The following PLEC variants were observed in gnomAD, a reference collection of about 807,000 sequenced individuals.
PLEC encodes hemidesmosomal protein 1.
A neutral mutation model predicts 392.8 loss-of-function variants in PLEC; 216 were observed. That is an observed-to-expected ratio of 0.55 (90% CI 0.49 to 0.62). The LOEUF is 0.62. Ranked by LOEUF, PLEC falls within the 20% of genes least tolerant of loss-of-function variation. The probability of loss-of-function intolerance (pLI) is 0.00; values close to 1 mark genes in which losing one functional copy is unlikely to be tolerated. For missense variants in PLEC, 6,863 were observed against 6,563.4 expected, an observed-to-expected ratio of 1.05 and a Z score of -1.58; for synonymous variants, 3,621 against 2,980.6, an observed-to-expected ratio of 1.21 and a Z score of -7.00.
upstream of PLEC, among the ~76,000 whole-genome samples, chr8:143,952,598 G>A (rs1454016018): frequency 6.6e-6 from 1 of 151,598 alleles, no homozygotes; most frequent in Non-Finnish European, 1.5e-5. Context: ...CAGGCCGACC[G>A]CATCTTCCTG....
Position 143,919,216 on chromosome 8 carries a change from C to T in PLEC, c.10605G>A (p.Glu3535=), listed in dbSNP as rs566966120. ...TCAGTGGCAGAAGGCGCAAGCCCGT[C>T]TCGGGGTCCTCCACGCACCGCTCCA... ...QLLERCVEDP[E]TGLRLLPLKG... is the part of the protein sequence containing the mutation. The change falls in exon 32 of 32, where the codon GAG becomes GAA. Residue 3535 remains glutamate, a synonymous_variant. Transcript: ENST00000345136. 3.1e-6 allele frequency: 5 copies of T among 1,613,882 alleles called. No homozygotes were observed. The South Asian group carries it at 5.5e-5, about 18-fold the overall frequency.
rs921644773 is a variant in PLEC at position 143,969,518 on chromosome 8, C to T, written c.70+3885G>A. Among the ~76,000 whole-genome samples the T allele has an allele frequency of 3.3e-5, 5 of 152,164 alleles. No homozygotes were observed. The highest frequency in any genetic ancestry group is 7.2e-5 in the African/African-American group (3 of 41,454). On this transcript the variant is annotated intron_variant, in intron 1 of 31. Transcript: ENST00000356346. This position sits in a 1 kb window ranked among gnomAD's most constrained non-coding sequence, Gnocchi z 5.1. ...CTGTGACAGCTCATAGAGGCTGGGC[C>T]GTCCTGCCACACCATGGGAGCCTGG...
chr8:143,929,876 C>G (rs782110745), intron 22 of PLEC, 47 bp from the exon 23 acceptor site: 2 of 1,601,662 alleles, frequency 1.2e-6, no homozygotes, highest in Non-Finnish European at 1.7e-6. Context: ...CGGCCGTGCC[C>G]TGCACAACGC....
chr8:143,946,425 C>G (rs782601483), intron 1 of PLEC: 28 of 1,284,918 alleles, frequency 2.2e-5, no homozygotes, highest in South Asian at 1.6e-4. Flanking sequence ...CTCCGAGAGC[C>G]GGCAGGGAGG....
At chr8:143,929,072 C>G (rs1554710103) in intron 25 of PLEC, 31 bp downstream of exon 25, 1 of 1,549,220 alleles carries the variant, frequency 6.5e-7, no homozygotes, top group Non-Finnish European at 8.7e-7. Context: ...CAGCCGACCC[C>G]AGCCCCTCGC....
Position 143,931,655 on chromosome 8 carries a change from A to G in PLEC, c.2183T>C (p.Phe728Ser). ...CCCCTCGGCCTCCCGCACATCTGAG[A>G]AGAACTGGGGCAGCGGGAGGGGGTC... ...LKENAAYFQF[F>S]SDVREAEGQL... Residue 728 changes from phenylalanine (F) to serine (S), a missense_variant, in exon 19 of 32, where the codon TTC (phenylalanine) becomes TCC (serine). By Grantham distance (155) the Phe-to-Ser change is radical (BLOSUM62 -2). Coordinates refer to ENST00000345136, the MANE Select transcript of PLEC (RefSeq NM_201384.3). 4.4e-6 allele frequency: 7 copies of G among 1,600,244 alleles called. No individual in the cohort carries two copies. The highest frequency in any genetic ancestry group is 6.0e-6 in the Non-Finnish European group (7 of 1,174,074).
At chr8:143,960,210 G>A (rs1161306084) in intron 1 of PLEC, among the ~76,000 whole-genome samples, 2 of 151,658 alleles carry the variant, frequency 1.3e-5, no homozygotes, top group Non-Finnish European at 2.9e-5. Context: ...TGAACTCGGA[G>A]GGCGGAGGTT....
chr8:143,919,383 T>C lies in PLEC; in HGVS notation c.10438A>G (p.Ser3480Gly), dbSNP rs989173743. The stretch of plus-strand genomic sequence containing the variant: ...GCCACGTCCACAGGCACGCGGTGGC[T>C]GTGCACGGGGTCGATGATGCCGCCC... ...ATGGIIDPVHSHRVPVDVAYQ... is the reference protein window; with the variant it reads ...ATGGIIDPVHGHRVPVDVAYQ... The change falls in exon 32 of 32, where the codon AGC (serine) becomes GGC (glycine). Residue 3480 changes from serine to glycine, a missense_variant. Ser to Gly is a moderately conservative substitution (Grantham distance 56). Coordinates refer to ENST00000345136, the MANE Select transcript of PLEC (RefSeq NM_201384.3). The C allele has an allele frequency of 1.1e-5, 17 of 1,613,698 alleles. No individual in the cohort carries two copies. Among genetic ancestry groups the C allele is most frequent in the Middle Eastern group, 1.7e-4 (1 of 6,052 alleles).
At chr8:143,930,338 GC>G in intron 20 of PLEC, 40 bp from the exon 21 acceptor site, 1 of 1,586,346 alleles carries the variant, frequency 6.3e-7, no homozygotes, top group Middle Eastern at 1.7e-4. Context: ...GCCACACCCT[GC>G]CCTGCCTGGC....
intron 16 of PLEC, 72 bp from the exon 17 acceptor site, chr8:143,932,306 C>T (rs1407176281): frequency 5.6e-6 from 9 of 1,607,462 alleles, no homozygotes; most frequent in Middle Eastern, 3.6e-4. Flanking sequence ...GCAAACTCGA[C>T]CCAGGGCCCC....
chr8:143,939,296 C>G, intron 1 of PLEC, 54 bp downstream of exon 1: 1 of 1,574,514 alleles, frequency 6.4e-7, no homozygotes, highest in Non-Finnish European at 8.6e-7. Context: ...GTGGGCCTTC[C>G]TCCCGCAGGG....
upstream of PLEC, chr8:143,939,668 CCCAGGCCGCCG>C (rs1830058222): frequency 7.1e-7 from 1 of 1,400,800 alleles, no homozygotes; most frequent in African/African-American, 1.5e-5. Flanking sequence ...CCCCACCCTG[CCCAGGCCGCCG>C]CCAGGGAGGG....
chr8:143,950,848 T>G lies in PLEC; in HGVS notation c.-142A>C, dbSNP rs1457668021. ...AGGGCAGGCGGGCGGGCAGGCAGGCTGGGGTGCTGAGCGTGAGGGCGCGGG... is the reference window on the plus strand; with the variant it reads ...AGGGCAGGCGGGCGGGCAGGCAGGCGGGGGTGCTGAGCGTGAGGGCGCGGG... On this transcript the variant is annotated 5_prime_UTR_variant, in exon 1 of 32. Coordinates refer to the PLEC transcript ENST00000322810. The G allele has an allele frequency of 7.5e-6, 11 of 1,467,736 alleles. No individual in the cohort carries two copies. In the African/African-American group the frequency reaches 1.5e-4, roughly 21 times the overall value. 90.9% of individuals were successfully genotyped at this position (1,467,736 alleles called of 1,614,324 possible).
chr8:143,922,246 G>C lies in PLEC; in HGVS notation c.7575C>G (p.Ala2525=). 1 of 1,591,956 alleles carries C rather than the reference G, an allele frequency of 6.3e-7. No homozygotes were observed. Among genetic ancestry groups the C allele is most frequent in the Non-Finnish European group, 8.5e-7 (1 of 1,171,962 alleles). ...KLEQLFQDEV[A]KAQQLREEQQ... ...GCTCCTCACGCAGCTGCTGTGCCTTGGCCACCTCGTCCTGGAAGAGCTGCT... is the reference window on the plus strand; with the variant it reads ...GCTCCTCACGCAGCTGCTGTGCCTTCGCCACCTCGTCCTGGAAGAGCTGCT... Residue 2525 remains alanine (A), a synonymous_variant, in exon 32 of 32, where the codon GCC becomes GCG. Coordinates refer to ENST00000345136, the MANE Select transcript of PLEC (RefSeq NM_201384.3).
intron 1 of PLEC, among the ~76,000 whole-genome samples, chr8:143,960,490 G>A (rs1554740545): frequency 6.6e-6 from 1 of 151,712 alleles, no homozygotes; most frequent in Non-Finnish European, 1.5e-5. Flanking sequence ...GGTGGCGGGT[G>A]CCTGTAATCC....
intron 30 of PLEC, 60 bp from the exon 31 acceptor site, chr8:143,925,944 G>T: frequency 6.7e-7 from 1 of 1,490,900 alleles, no homozygotes; most frequent in South Asian, 1.2e-5. Context: ...GGCAGGCGCT[G>T]ACGGGGCACG....
At chr8:143,950,682 G>A (rs542615714) in exon 1 of PLEC, 16 of 1,571,972 alleles carry the variant, frequency 1.0e-5, no homozygotes, top group Admixed American at 9.2e-5. Context: ...AGCTGGTCCC[G>A]TGGCATGAGC....
chr8:143,920,978 C>T lies in PLEC; in HGVS notation c.8843G>A (p.Gly2948Asp). ...GATGATCTTCTCCACTGTGATCCGGCCCGTGCGGAACTGCCGCAGCAGGTC... is the reference window on the plus strand; with the variant it reads ...GATGATCTTCTCCACTGTGATCCGGTCCGTGCGGAACTGCCGCAGCAGGTC... ...RRDLLRQFRT[G>D]RITVEKIIKI... The change falls in exon 32 of 32, where the codon GGC becomes GAC. Residue 2948 changes from glycine to aspartate, a missense_variant. Coordinates refer to ENST00000345136, the MANE Select transcript of PLEC (RefSeq NM_201384.3). 2 of 1,613,160 alleles carry T rather than the reference C, an allele frequency of 1.2e-6. No individual in the cohort carries two copies. The highest frequency in any genetic ancestry group is 2.2e-5 in the South Asian group (2 of 91,086).
At chr8:143,940,616 A>T (rs1830279727), upstream of PLEC, among the ~76,000 whole-genome samples, 1 of 152,182 alleles carries the variant, frequency 6.6e-6, no homozygotes, top group Non-Finnish European at 1.5e-5. Context: ...CGACCACCAT[A>T]GGAAAGAATG....
Sources: gnomAD v4.1 joint callset for allele counts (sites outside exome capture counted in the v4.1 genomes callset) on GRCh38, gnomAD v4.1.1 for gene constraint, Gnocchi (gnomAD v3.1) non-coding constraint, MANE v1.5 for transcripts, NCBI Gene and HGNC (gene_info 2026-07-23, HGNC 2026-07-21) for gene names.